Variants in DPYD observed in about 807,000 individuals in gnomAD.
DPYD encodes the protein dihydropyrimidine dehydrogenase [NADP(+)].
DPYD carries 109 observed loss-of-function variants against 116.2 expected under a neutral mutation model. The observed-to-expected ratio is 0.94, with a 90% CI of 0.80 to 1.10. DPYD has a LOEUF of 1.10. Ranked by LOEUF, DPYD falls within the 50% of genes least tolerant of loss-of-function variation. The pLI is 0.00. For missense variants in DPYD, 1,302 were observed against 1,254.5 expected (o/e 1.04, Z -0.57); for synonymous variants, 440 against 432.0 (o/e 1.02, Z -0.23).
chr1:97,384,628 T>C (rs962168508), intron 14 of DPYD, among the ~76,000 whole-genome samples: 1 of 152,024 alleles, frequency 6.6e-6, no homozygotes, highest in African/African-American at 2.4e-5. Flanking sequence ...GGCGATTATA[T>C]GAGTAAGAGT....
intron 2 of DPYD, among the ~76,000 whole-genome samples, chr1:97,853,223 T>C (rs1397730802): frequency 6.6e-6 from 1 of 152,244 alleles, no homozygotes; most frequent in Non-Finnish European, 1.5e-5. Context: ...TATGGTAATA[T>C]CAGTTTCCTG....
chr1:97,858,369 T>G (rs1670954134), intron 2 of DPYD, among the ~76,000 whole-genome samples: 1 of 152,196 alleles, frequency 6.6e-6, no homozygotes, highest in Admixed American at 6.5e-5. Context: ...AAATTATGAT[T>G]TTTTGTTTTA....
chr1:97,887,346 T>G (rs1167661438), intron 1 of DPYD, among the ~76,000 whole-genome samples: 1 of 151,218 alleles, frequency 6.6e-6, no homozygotes, highest in Non-Finnish European at 1.5e-5. Context: ...GGCATATGCC[T>G]GTGGTCTCAG....
intron 22 of DPYD, among the ~76,000 whole-genome samples, chr1:97,080,172 T>A (rs1202918706): frequency 6.6e-6 from 1 of 151,504 alleles, no homozygotes; most frequent in African/African-American, 2.4e-5. Flanking sequence ...AATACAAGAG[T>A]TTTACTCAGA....
At chr1:97,695,621 G>A (rs565740070) in intron 6 of DPYD, among the ~76,000 whole-genome samples, 1 of 151,810 alleles carries the variant, frequency 6.6e-6, no homozygotes, top group Non-Finnish European at 1.5e-5. Flanking sequence ...GGAAGGAAGG[G>A]AGGGAAGGAG....
chr1:97,388,949 C>T (rs1405009000), intron 14 of DPYD, among the ~76,000 whole-genome samples: 1 of 151,912 alleles, frequency 6.6e-6, no homozygotes, highest in Non-Finnish European at 1.5e-5. Flanking sequence ...TTGTATCTAA[C>T]AGGATAGAAG....
In DPYD at chr1:97,382,405, G is replaced by T. The variant is rs1398878455; in HGVS notation, c.1962C>A (p.Ala654=). 2 of 1,595,374 alleles carry T rather than the reference G, an allele frequency of 1.3e-6. No individual in the cohort carries two copies. The highest frequency in any genetic ancestry group is 1.7e-5 in the Admixed American group (1 of 59,028). Residue 654 remains alanine (A), a synonymous_variant, in exon 15 of 23, where the codon GCC becomes GCA. Coordinates refer to ENST00000370192, the MANE Select transcript of DPYD (RefSeq NM_000110.4). ...AAGTAACCATTACCTCAGACTTCTT[G>T]GCAAGTTCCGTCCAGTCATTTTTAT... ...SYNKNDWTEL[A]KKSEDSGADA... is the part of the protein sequence containing the mutation.
chr1:97,411,294 T>G (rs537444054), intron 14 of DPYD, among the ~76,000 whole-genome samples: 39 of 152,316 alleles, frequency 2.6e-4, no homozygotes, highest in Middle Eastern at 3.4e-3. Context: ...AGTGAATGAA[T>G]AAGCTAATGA....
chr1:97,397,971 G>A (rs984832578), intron 14 of DPYD, among the ~76,000 whole-genome samples: 5 of 151,590 alleles, frequency 3.3e-5, no homozygotes, highest in Non-Finnish European at 5.9e-5. Context: ...TATACTTTAA[G>A]TTTTAGGATA....
At chr1:97,462,490 T>G (rs1677083961) in intron 13 of DPYD, among the ~76,000 whole-genome samples, 1 of 152,090 alleles carries the variant, frequency 6.6e-6, no homozygotes. Context: ...AAAGTTAACC[T>G]GAAAAACTAG....
At chr1:97,556,000 A>G (rs561900906) in intron 11 of DPYD, among the ~76,000 whole-genome samples, 1 of 152,292 alleles carries the variant, frequency 6.6e-6, no homozygotes, top group East Asian at 1.9e-4. Context: ...GATATGATTA[A>G]TTGGTTCCAG....
At position 97,679,101 on chromosome 1, in the gene DPYD, C is replaced by T; in HGVS notation, c.844G>A (p.Gly282Arg). 1.3e-6 allele frequency: 2 copies of T among 1,544,140 alleles called. No homozygotes were observed. The highest frequency in any genetic ancestry group is 1.8e-6 in the Non-Finnish European group (2 of 1,129,890). Residue 282 changes from glycine to arginine, a missense_variant, in exon 8 of 23, where the codon GGA becomes AGA. Transcript: ENST00000370192. ...KEKGYKAAFI[G>R]IGLPEPNKDA... ...TTAAGAGTAAACTACTCACCTATTC[C>T]AATGAAAGCAGCTTTGTAGCCTTTT...
intron 2 of DPYD, among the ~76,000 whole-genome samples, chr1:97,836,954 A>G (rs1187590099): frequency 1.3e-5 from 2 of 152,178 alleles, no homozygotes; most frequent in Non-Finnish European, 2.9e-5. Context: ...ATTTATCTTT[A>G]AAAGCACATG....
chr1:97,412,855 T>C (rs966225603), intron 14 of DPYD, among the ~76,000 whole-genome samples: 1 of 152,168 alleles, frequency 6.6e-6, no homozygotes, highest in Non-Finnish European at 1.5e-5. Flanking sequence ...ACTTGGTCTA[T>C]CATTTAATGA....
At chr1:97,458,483 C>A (rs548526869) in intron 13 of DPYD, among the ~76,000 whole-genome samples, 1 of 152,234 alleles carries the variant, frequency 6.6e-6, no homozygotes. Context: ...AAGCACGAAG[C>A]AGAGATTCAC....
intron 13 of DPYD, among the ~76,000 whole-genome samples, chr1:97,473,781 C>T (rs928477930): frequency 5.9e-5 from 9 of 151,916 alleles, no homozygotes; most frequent in South Asian, 2.1e-4. Context: ...CCAGGGTGGG[C>T]GGATTGCTTG....
chr1:97,603,144 A>C (rs2102283519), intron 8 of DPYD, among the ~76,000 whole-genome samples: 1 of 152,184 alleles, frequency 6.6e-6, no homozygotes, highest in East Asian at 1.9e-4. Flanking sequence ...GTAAGCAAAA[A>C]TCTCAAACAA....
At chr1:97,506,360 T>G (rs1300299086) in intron 13 of DPYD, among the ~76,000 whole-genome samples, 3 of 151,986 alleles carry the variant, frequency 2.0e-5, no homozygotes, top group Admixed American at 2.0e-4. Context: ...GATTGTATCA[T>G]CTAAACATAC....
chr1:97,082,211 G>A (rs2101557307), intron 22 of DPYD, 119 bp downstream of exon 22: 1 of 1,234,444 alleles, frequency 8.1e-7, no homozygotes, highest in Non-Finnish European at 1.2e-6. Context: ...TACTGTTGCA[G>A]AAGAGCAATA....
Sources: gnomAD v4.1 joint callset for allele counts (sites outside exome capture counted in the v4.1 genomes callset) on GRCh38, gnomAD v4.1.1 for gene constraint, MANE v1.5 for transcripts, NCBI Gene and HGNC (gene_info 2026-07-23, HGNC 2026-07-21) for gene names.